Variants in DPP4 observed in about 807,000 individuals in gnomAD.
DPP4 encodes the protein ADCP-2.
DPP4 carries 93 observed loss-of-function variants against 122.4 expected under a neutral mutation model. That is an observed-to-expected ratio of 0.76 (90% CI 0.64 to 0.90). The LOEUF (loss-of-function observed/expected upper bound fraction) is 0.90. DPP4 is among the 40% of genes least tolerant of loss of function. The probability of loss-of-function intolerance (pLI) is 0.00; values close to 1 mark genes in which losing one functional copy is unlikely to be tolerated. For missense variants in DPP4, 914 were observed against 907.3 expected (o/e 1.01, Z -0.09); for synonymous variants, 321 against 302.9 (o/e 1.06, Z -0.62).
chr2:162,065,202 G>A (rs969298723), intron 2 of DPP4, among the ~76,000 whole-genome samples: 3 of 152,226 alleles, frequency 2.0e-5, no homozygotes, highest in African/African-American at 7.2e-5. Flanking sequence ...TCGCCAGTAA[G>A]ATCTGAAAGT....
At chr2:162,027,824 G>A (rs779697056) in intron 10 of DPP4, among the ~76,000 whole-genome samples, 14 of 151,968 alleles carry the variant, frequency 9.2e-5, no homozygotes, top group South Asian at 4.2e-4. Flanking sequence ...GGAAACTCAC[G>A]TGCATCAGTC....
At chr2:162,073,952 G>A (rs201650604) in intron 1 of DPP4, 24 bp downstream of exon 1, 1 of 1,612,366 alleles carries the variant, frequency 6.2e-7, no homozygotes, top group Non-Finnish European at 8.5e-7. Context: ...CTCGCCCCGG[G>A]GACGTACGTG....
At position 162,016,883 on chromosome 2, in the gene DPP4, G is replaced by A; in HGVS notation, c.1469-17C>T. 1 of 1,593,784 alleles carries A rather than the reference G, an allele frequency of 6.3e-7. No individual in the cohort carries two copies. The highest frequency in any genetic ancestry group is 1.4e-5 in the African/African-American group (1 of 73,888). On this transcript the variant is annotated splice_polypyrimidine_tract_variant and intron_variant, in intron 17 of 25. Coordinates refer to ENST00000360534, the MANE Select transcript of DPP4 (RefSeq NM_001935.4). Reference sequence around the variant, plus strand: ...CTCTCAGCCCTAAAGAAATACAGGAGACAGCAGTCATTCATTACAATGTGA... The same window carrying A: ...CTCTCAGCCCTAAAGAAATACAGGAAACAGCAGTCATTCATTACAATGTGA...
At chr2:162,040,147 A>G (rs1683936348) in intron 5 of DPP4, among the ~76,000 whole-genome samples, 1 of 152,132 alleles carries the variant, frequency 6.6e-6, no homozygotes, top group African/African-American at 2.4e-5. Flanking sequence ...ATCCAGATAT[A>G]AGAAACTTTA....
At chr2:162,069,302 G>T (rs1009716535) in intron 2 of DPP4, among the ~76,000 whole-genome samples, 2 of 152,168 alleles carry the variant, frequency 1.3e-5, no homozygotes, top group South Asian at 2.1e-4. Flanking sequence ...ATTGTAGCTT[G>T]CATGCCTTCT....
intron 2 of DPP4, among the ~76,000 whole-genome samples, chr2:162,050,006 T>C (rs1052014448): frequency 3.9e-5 from 6 of 152,204 alleles, no homozygotes; most frequent in Non-Finnish European, 1.5e-5. Flanking sequence ...GAGATTTGTG[T>C]TTGCTAGTAG....
At chr2:161,999,074 AC>A (rs1701079062) in intron 23 of DPP4, among the ~76,000 whole-genome samples, 1 of 152,072 alleles carries the variant, frequency 6.6e-6, no homozygotes, top group Admixed American at 6.5e-5. Context: ...ACATACACCC[AC>A]TTTAAGGCTC....
At chr2:162,063,042 G>T (rs34450218) in intron 2 of DPP4, among the ~76,000 whole-genome samples, 37,736 of 151,900 alleles carry the variant, frequency 0.25, 5,795 homozygotes, top group Non-Finnish European at 0.35. Context: ...TTGTGTCTTT[G>T]ACCAGGGTAG....
At chr2:162,058,603 T>C (rs1225303708) in intron 2 of DPP4, among the ~76,000 whole-genome samples, 4 of 152,242 alleles carry the variant, frequency 2.6e-5, no homozygotes, top group Non-Finnish European at 2.9e-5. Flanking sequence ...TTAGACATTA[T>C]AACGAAAGTA....
intron 2 of DPP4, among the ~76,000 whole-genome samples, chr2:162,052,113 G>A (rs1173683481): frequency 1.3e-5 from 2 of 152,034 alleles, no homozygotes; most frequent in East Asian, 1.9e-4. Context: ...GAGGTTGGGA[G>A]TTCGAGACCA....
chr2:162,022,916 T>TGA lies in DPP4; in HGVS notation c.1024-118_1024-117insTC. The TGA allele has an allele frequency of 1.2e-5, 12 of 980,280 alleles. No individual in the cohort carries two copies. The South Asian group carries it at 1.4e-4, about 11-fold the overall frequency. The allele number at this position is 980,280 out of a possible 1,614,324, so 60.7% of individuals were successfully genotyped here. A position where few individuals can be genotyped will look rare whatever the true frequency, so the allele number is the denominator to read the frequency against. ...TTATAATAACTGAGAGCTATCTCCATTCATATATTTCTATTTATGTTAGTA... is the reference window on the plus strand; with the variant it reads ...TTATAATAACTGAGAGCTATCTCCATGATCATATATTTCTATTTATGTTAGTA... On this transcript the variant is annotated intron_variant, in intron 11 of 25. Coordinates refer to ENST00000360534, the MANE Select transcript of DPP4 (RefSeq NM_001935.4).
chr2:162,019,341 C>A lies in DPP4; in HGVS notation c.1245-65G>T, dbSNP rs888585090. 5 of 1,128,536 alleles carry A rather than the reference C, an allele frequency of 4.4e-6. No individual in the cohort carries two copies. The East Asian group carries it at 1.3e-4, about 30-fold the overall frequency. The allele number at this position is 1,128,536 out of a possible 1,614,324, so 69.9% of individuals were successfully genotyped here. A position where few individuals can be genotyped will look rare whatever the true frequency, so the allele number is the denominator to read the frequency against. ...TTTTAAGAAGTCAGAGGCGATCCAC[C>A]GCACTCAGACCCCAAGCCTAAGTGT... On this transcript the variant is annotated intron_variant, in intron 14 of 25. Transcript: ENST00000360534.
chr2:162,053,947 AATGTCAGCC>A (rs1253624336), intron 2 of DPP4, among the ~76,000 whole-genome samples: 1 of 152,168 alleles, frequency 6.6e-6, no homozygotes, highest in Non-Finnish European at 1.5e-5. Flanking sequence ...ACCAGCATGC[AATGTCAGCC>A]GGGAGAGTCA....
chr2:162,053,897 C>T (rs750111369), intron 2 of DPP4, among the ~76,000 whole-genome samples: 23 of 152,272 alleles, frequency 1.5e-4, no homozygotes, highest in South Asian at 2.1e-4. Flanking sequence ...AATGGAACTG[C>T]GGGGCAAGGC....
At chr2:162,030,980 G>C (rs1207393194) in intron 10 of DPP4, among the ~76,000 whole-genome samples, 1 of 152,220 alleles carries the variant, frequency 6.6e-6, no homozygotes, top group Non-Finnish European at 1.5e-5. Context: ...ACTTCACACA[G>C]CTGTGCCTTG....
intron 2 of DPP4, among the ~76,000 whole-genome samples, chr2:162,054,053 G>A (rs919097028): frequency 1.3e-5 from 2 of 152,186 alleles, no homozygotes; most frequent in African/African-American, 4.8e-5. Context: ...GTCCTCTGAG[G>A]CCTTGGGAAC....
Position 162,022,774 on chromosome 2 carries a change from G to A in DPP4, c.1049C>T (p.Thr350Ile), listed in dbSNP as rs1216687781. The A allele has an allele frequency of 3.7e-6, 6 of 1,613,988 alleles. No homozygotes were observed. The highest frequency in any genetic ancestry group is 5.1e-6 in the Non-Finnish European group (6 of 1,180,000). ...ACTTACTCTTCCAACCCAGCCAGTA[G>A]TACTCATTTCAATGTGTTGCCGTGC... ...LVARQHIEMS[T>I]TGWVGRFRPS... The change falls in exon 12 of 26, where the codon ACT (threonine) becomes ATT (isoleucine). Residue 350 changes from threonine (T) to isoleucine (I), a missense_variant. Physicochemically the swap from Thr to Ile is moderately conservative, Grantham distance 89. Coordinates refer to ENST00000360534, the MANE Select transcript of DPP4 (RefSeq NM_001935.4).
intron 19 of DPP4, among the ~76,000 whole-genome samples, chr2:162,012,883 A>G (rs1178962233): frequency 6.6e-6 from 1 of 152,088 alleles, no homozygotes; most frequent in Non-Finnish European, 1.5e-5. Flanking sequence ...TTCTGCTTAC[A>G]TGCCTTTGCT....
chr2:162,000,574 G>A (rs968782581), intron 23 of DPP4, among the ~76,000 whole-genome samples: 6 of 152,114 alleles, frequency 3.9e-5, no homozygotes, highest in Admixed American at 2.0e-4. Flanking sequence ...GTACAAGATG[G>A]CATATTTACA....
Sources: gnomAD v4.1 joint callset for allele counts (sites outside exome capture counted in the v4.1 genomes callset) on GRCh38, gnomAD v4.1.1 for gene constraint, MANE v1.5 for transcripts, NCBI Gene and HGNC (gene_info 2026-07-23, HGNC 2026-07-21) for gene names.